INSYN2A: variants seen among roughly 807,000 people sequenced by gnomAD.
INSYN2A encodes inhibitory synaptic factor 2A, also known as family with sequence similarity 196 member A.
In INSYN2A, 17 loss-of-function variants were observed where a neutral mutation model predicts 39.4. The ratio of observed to expected loss-of-function variants is 0.43; its 90% CI spans 0.30 to 0.65. The LOEUF is 0.65. INSYN2A is among the 30% of genes least tolerant of loss of function. The pLI is 0.14. For synonymous variants in INSYN2A, 255 were observed against 265.7 expected, an observed-to-expected ratio of 0.96 and a Z score of 0.39; for missense variants, 595 against 631.2, an observed-to-expected ratio of 0.94 and a Z score of 0.61.
chr10:127,173,119 C>T (rs1273055541), intron 4 of INSYN2A, among the ~76,000 whole-genome samples: 2 of 152,168 alleles, frequency 1.3e-5, no homozygotes, highest in Non-Finnish European at 2.9e-5. Context: ...CCTCCCCAGA[C>T]CCCTGCTCCA....
rs1811756769 is a variant in INSYN2A at position 127,144,723 on chromosome 10, T to C, written c.1257-6703A>G. Among the ~76,000 whole-genome samples the C allele has an allele frequency of 3.3e-5, 5 of 152,224 alleles. No homozygotes were observed. In the South Asian group the frequency reaches 8.3e-4, roughly 25 times the overall value. On this transcript the variant is annotated intron_variant, in intron 5 of 5. Transcript: ENST00000522781. ...CTAATAGTTTAAAATATCAGTGGTT[T>C]GTAGTTAACTGGCTTTTCAACACTT...
At chr10:127,157,802 T>C (rs1248746147) in intron 4 of INSYN2A, among the ~76,000 whole-genome samples, 1 of 152,228 alleles carries the variant, frequency 6.6e-6, no homozygotes, top group East Asian at 1.9e-4. Context: ...GGGATCTTTC[T>C]TTTGTTTAAA....
chr10:127,173,812 C>G (rs2054809220), intron 4 of INSYN2A, among the ~76,000 whole-genome samples: 1 of 152,124 alleles, frequency 6.6e-6, no homozygotes, highest in Non-Finnish European at 1.5e-5. Context: ...GAGATGTAAA[C>G]CCAAGATTGA....
intron 5 of INSYN2A, among the ~76,000 whole-genome samples, chr10:127,138,807 C>A (rs1340796634): frequency 6.6e-6 from 1 of 152,202 alleles, no homozygotes; most frequent in African/African-American, 2.4e-5. Flanking sequence ...GATTTTTGAA[C>A]TATGTTATTT....
At chr10:127,145,080 T>C (rs2051670730) in intron 5 of INSYN2A, among the ~76,000 whole-genome samples, 1 of 152,204 alleles carries the variant, frequency 6.6e-6, no homozygotes, top group Non-Finnish European at 1.5e-5. Context: ...ACTGGAGAAC[T>C]TGCTTGACTG....
At chr10:127,193,042 A>G (rs1391497663) in intron 1 of INSYN2A, among the ~76,000 whole-genome samples, 1 of 152,226 alleles carries the variant, frequency 6.6e-6, no homozygotes, top group Non-Finnish European at 1.5e-5. Context: ...TGTAGTATCA[A>G]TCATATTAAA....
At chr10:127,146,490 AG>A (rs2051865362) in intron 5 of INSYN2A, among the ~76,000 whole-genome samples, 1 of 152,228 alleles carries the variant, frequency 6.6e-6, no homozygotes, top group Non-Finnish European at 1.5e-5. Flanking sequence ...ATTTTCAAGA[AG>A]AATTTAGAGA....
At chr10:127,180,114 T>C (rs2055585697) in intron 2 of INSYN2A, among the ~76,000 whole-genome samples, 1 of 152,254 alleles carries the variant, frequency 6.6e-6, no homozygotes, top group African/African-American at 2.4e-5. Flanking sequence ...TAACTTGAAG[T>C]GATCCATGAT....
intron 1 of INSYN2A, among the ~76,000 whole-genome samples, chr10:127,195,790 G>T (rs535464042): frequency 3.1e-4 from 47 of 152,170 alleles, no homozygotes; most frequent in Non-Finnish European, 4.9e-4. Context: ...GCATAACCTT[G>T]CCCCCCACCT....
intron 4 of INSYN2A, among the ~76,000 whole-genome samples, chr10:127,165,552 G>A (rs1328430121): frequency 2.0e-5 from 3 of 152,122 alleles, no homozygotes. Flanking sequence ...TTTCATGAAT[G>A]TTCTTTCCAG....
Position 127,196,453 on chromosome 10 carries a change from G to C in INSYN2A, c.-851C>G, listed in dbSNP as rs1341774710. ...GGCCAGGAGGCGGGGGCGGGGCAGA[G>C]GAGGGAGCAGGAGGGAAGTCCTTTC... On this transcript the variant is annotated 5_prime_UTR_variant, in exon 1 of 6. Transcript: ENST00000522781. Among the ~76,000 whole-genome samples, 1 of 148,690 alleles carries C rather than the reference G, an allele frequency of 6.7e-6. No homozygotes were observed. The highest frequency in any genetic ancestry group is 2.0e-4 in the East Asian group (1 of 5,102).
At chr10:127,169,621 G>GGGT (rs2054379511) in intron 4 of INSYN2A, among the ~76,000 whole-genome samples, 4 of 152,076 alleles carry the variant, frequency 2.6e-5, no homozygotes, top group Admixed American at 2.6e-4. Flanking sequence ...GATTCTCTGT[G>GGGT]GGTGCTTTCA....
At chr10:127,143,302 G>C (rs1017139107) in intron 5 of INSYN2A, among the ~76,000 whole-genome samples, 6 of 152,184 alleles carry the variant, frequency 3.9e-5, no homozygotes, top group African/African-American at 1.4e-4. Context: ...CTCTAGCCTC[G>C]ACAGGGCCAT....
At chr10:127,192,949 A>G (rs528116758) in intron 1 of INSYN2A, among the ~76,000 whole-genome samples, 1 of 152,316 alleles carries the variant, frequency 6.6e-6, no homozygotes, top group East Asian at 1.9e-4. Context: ...CACTACATAT[A>G]TATCATAGGT....
chr10:127,157,106 G>A (rs898404215), intron 4 of INSYN2A, among the ~76,000 whole-genome samples: 4 of 152,178 alleles, frequency 2.6e-5, no homozygotes, highest in Non-Finnish European at 4.4e-5. Context: ...ATGAGCGAAC[G>A]GTTAATTTTT....
chr10:127,144,917 G>A (rs1395995853), intron 5 of INSYN2A, among the ~76,000 whole-genome samples: 2 of 151,968 alleles, frequency 1.3e-5, no homozygotes, highest in African/African-American at 4.8e-5. Context: ...CCCTTTTCCT[G>A]GTATACTATG....
At chr10:127,140,382 G>A (rs1471812206) in intron 5 of INSYN2A, among the ~76,000 whole-genome samples, 3 of 152,172 alleles carry the variant, frequency 2.0e-5, no homozygotes, top group African/African-American at 7.2e-5. Context: ...CTTGGTAGAG[G>A]GCACTTATGA....
At chr10:127,168,266 T>G (rs1235460452) in intron 4 of INSYN2A, among the ~76,000 whole-genome samples, 1 of 152,142 alleles carries the variant, frequency 6.6e-6, no homozygotes, top group East Asian at 1.9e-4. Context: ...ATTTAAAATG[T>G]TTTGGGTTAT....
chr10:127,178,572 G>A (rs1314693379), intron 2 of INSYN2A, among the ~76,000 whole-genome samples: 1 of 152,158 alleles, frequency 6.6e-6, no homozygotes, highest in Non-Finnish European at 1.5e-5. Flanking sequence ...TGGATGCCTC[G>A]GGCTCTTGTT....
Sources: gnomAD v4.1 joint callset for allele counts (sites outside exome capture counted in the v4.1 genomes callset) on GRCh38, gnomAD v4.1.1 for gene constraint, MANE v1.5 for transcripts, NCBI Gene and HGNC (gene_info 2026-07-23, HGNC 2026-07-21) for gene names.